CLIC5: variants seen among roughly 807,000 people sequenced by gnomAD.
CLIC5 encodes chloride intracellular channel protein 5.
In CLIC5, 20 loss-of-function variants were observed where a neutral mutation model predicts 24.7. The observed-to-expected ratio is 0.81, with a 90% CI of 0.57 to 1.18. The LOEUF (loss-of-function observed/expected upper bound fraction) is 1.18. Among genes scored for constraint, CLIC5 ranks in the 50% most tolerant of loss-of-function variants. The pLI is 0.00. For missense variants in CLIC5, 341 were observed against 326.1 expected, an observed-to-expected ratio of 1.05 and a Z score of -0.35; for synonymous variants, 159 against 135.6, an observed-to-expected ratio of 1.17 and a Z score of -1.20.
chr6:45,969,181 C>T (rs528187537), intron 1 of CLIC5, among the ~76,000 whole-genome samples: 7 of 152,194 alleles, frequency 4.6e-5, no homozygotes, highest in Non-Finnish European at 8.8e-5. Context: ...AAATGTTTGC[C>T]GAGAGGATGA....
At chr6:45,990,609 AC>A (rs1257927008) in intron 1 of CLIC5, among the ~76,000 whole-genome samples, 3 of 152,278 alleles carry the variant, frequency 2.0e-5, no homozygotes, top group Admixed American at 2.0e-4. Flanking sequence ...TCTTCTGAAA[AC>A]CCCTGTTACA....
chr6:45,904,562 C>G (rs1005028835), intron 5 of CLIC5, among the ~76,000 whole-genome samples: 2 of 151,246 alleles, frequency 1.3e-5, no homozygotes, highest in Non-Finnish European at 2.9e-5. Flanking sequence ...AGCTGGTCCT[C>G]CTCTAGCCCT....
intron 1 of CLIC5, among the ~76,000 whole-genome samples, chr6:46,046,829 A>C (rs1229771157): frequency 6.6e-6 from 1 of 152,240 alleles, no homozygotes; most frequent in Non-Finnish European, 1.5e-5. Context: ...TGTGGTGCCC[A>C]AGATGGCTCA....
the CLIC5 span, among the ~76,000 whole-genome samples, chr6:46,108,327 AAAG>A: frequency 6.6e-6 from 1 of 151,978 alleles, no homozygotes; most frequent in East Asian, 1.9e-4. Flanking sequence ...CTGCAAAAAA[AAAG>A]GGAAGAGAGA....
At position 45,900,822 on chromosome 6, in the gene CLIC5, A is replaced by C. The variant is rs1762491998; in HGVS notation, c.*2266T>G. On this transcript the variant is annotated 3_prime_UTR_variant, in exon 6 of 6. Coordinates refer to ENST00000339561, the MANE Select transcript of CLIC5 (RefSeq NM_016929.5). Reference sequence around the variant, plus strand: ...AACCACAGAAGGGACATCTAGAAACAGCAATATTGATTTGGTTTGGCCTGT... The same window carrying C: ...AACCACAGAAGGGACATCTAGAAACCGCAATATTGATTTGGTTTGGCCTGT... 1.3e-5 allele frequency: 2 copies of C among 152,166 alleles called. No individual in the cohort carries two copies. Among genetic ancestry groups the C allele is most frequent in the Non-Finnish European group, 2.9e-5 (2 of 68,026 alleles). The allele number at this position is 152,166 out of a possible 1,614,324, so 9.4% of individuals were successfully genotyped here.
At chr6:46,111,748 A>G in the CLIC5 span, among the ~76,000 whole-genome samples, 2 of 152,140 alleles carry the variant, frequency 1.3e-5, no homozygotes, top group African/African-American at 4.8e-5. Context: ...CCCAAATCTC[A>G]TCTTGAATTG....
chr6:45,917,509 G>A (rs1330165259), intron 4 of CLIC5, among the ~76,000 whole-genome samples: 2 of 152,118 alleles, frequency 1.3e-5, no homozygotes, highest in Non-Finnish European at 2.9e-5. Context: ...CAATAGCCTG[G>A]AGATTTGCTT....
At chr6:46,082,240 T>C (rs1467568914), upstream of CLIC5, among the ~76,000 whole-genome samples, 1 of 152,200 alleles carries the variant, frequency 6.6e-6, no homozygotes, top group Admixed American at 6.5e-5. Context: ...CTCACCACAA[T>C]GACCCAGTGA....
At chr6:45,988,574 T>G (rs1257860731) in intron 1 of CLIC5, among the ~76,000 whole-genome samples, 1 of 152,200 alleles carries the variant, frequency 6.6e-6, no homozygotes, top group Non-Finnish European at 1.5e-5. Flanking sequence ...CTCCAAAGCA[T>G]GAATCCCTGT....
At chr6:46,039,447 C>T (rs1767747605) in intron 1 of CLIC5, among the ~76,000 whole-genome samples, 1 of 151,718 alleles carries the variant, frequency 6.6e-6, no homozygotes, top group Admixed American at 6.6e-5. Context: ...AGAGGACAAT[C>T]AGGTCATGGT....
intron 4 of CLIC5, among the ~76,000 whole-genome samples, chr6:45,932,070 C>G (rs113032106): frequency 0.024 from 3,617 of 152,286 alleles, 157 homozygotes; most frequent in African/African-American, 0.081. Flanking sequence ...ATACTCACTT[C>G]TTTTGCTGGC....
chr6:46,085,130 C>T (rs1052007427), upstream of CLIC5, among the ~76,000 whole-genome samples: 13 of 152,202 alleles, frequency 8.5e-5, no homozygotes, highest in Non-Finnish European at 1.5e-4. Flanking sequence ...TCCATCAGCT[C>T]CTTTAAGCAC....
At chr6:45,927,473 G>A (rs1763545101) in intron 4 of CLIC5, among the ~76,000 whole-genome samples, 1 of 152,204 alleles carries the variant, frequency 6.6e-6, no homozygotes, top group South Asian at 2.1e-4. Flanking sequence ...AGAAGAAACA[G>A]AGGCAGTAAA....
At chr6:46,090,606 T>C in the CLIC5 span, among the ~76,000 whole-genome samples, 1 of 152,230 alleles carries the variant, frequency 6.6e-6, no homozygotes, top group Non-Finnish European at 1.5e-5. Flanking sequence ...AAATTGTATA[T>C]ACTTATGATG....
chr6:45,898,095 C>G (rs1762421229), downstream of CLIC5, among the ~76,000 whole-genome samples: 1 of 151,952 alleles, frequency 6.6e-6, no homozygotes, highest in Non-Finnish European at 1.5e-5. Flanking sequence ...GAGAGGGAGT[C>G]TCGCTCTGTC....
intron 1 of CLIC5, among the ~76,000 whole-genome samples, chr6:46,024,226 C>T (rs759366079): frequency 2.0e-4 from 30 of 152,100 alleles, no homozygotes; most frequent in Admixed American, 8.5e-4. Context: ...CCTTGAGTTA[C>T]CCAGTTTCCT....
At chr6:46,121,008 C>T in the CLIC5 span, among the ~76,000 whole-genome samples, 282 of 152,282 alleles carry the variant, frequency 1.9e-3, 3 homozygotes, top group African/African-American at 6.0e-3. Flanking sequence ...AAACACTCTG[C>T]AGGATATTAT....
At chr6:46,038,868 C>A (rs1344774505) in intron 1 of CLIC5, among the ~76,000 whole-genome samples, 1 of 152,142 alleles carries the variant, frequency 6.6e-6, no homozygotes, top group Admixed American at 6.5e-5. Flanking sequence ...AGAGCAAAAG[C>A]AGATGAGTTG....
At chr6:46,000,128 C>T (rs956961972) in intron 1 of CLIC5, among the ~76,000 whole-genome samples, 2 of 152,128 alleles carry the variant, frequency 1.3e-5, no homozygotes, top group African/African-American at 4.8e-5. Context: ...TGCATATAGC[C>T]TACAAAATGT....
Sources: allele counts gnomAD v4.1 joint callset (sites outside exome capture counted in the v4.1 genomes callset), GRCh38; gene constraint gnomAD v4.1.1; transcripts MANE v1.5; gene names NCBI Gene and HGNC (gene_info 2026-07-23, HGNC 2026-07-21).